The following NF1 variants were observed in gnomAD, a reference collection of about 807,000 sequenced individuals.
NF1 encodes neurofibromin.
A neutral mutation model predicts 325.7 loss-of-function variants in NF1; 122 were observed. That is an observed-to-expected ratio of 0.37 (90% CI 0.32 to 0.44). NF1 has a LOEUF of 0.44. NF1 is among the 20% of genes least tolerant of loss of function. The pLI is 1.00. For synonymous variants in NF1, 1,091 were observed against 1,186.0 expected (o/e 0.92, Z 1.65); for missense variants, 2,140 against 3,415.4 (o/e 0.63, Z 9.31).
chr17:31,280,763 C>T (rs553152537), intron 36 of NF1, among the ~76,000 whole-genome samples: 8 of 151,942 alleles, frequency 5.3e-5, no homozygotes, highest in Non-Finnish European at 1.0e-4. Context: ...CATTTCACTT[C>T]CAGGTAAAAT....
At chr17:31,141,272 C>T (rs2143531447) in intron 1 of NF1, among the ~76,000 whole-genome samples, 1 of 151,594 alleles carries the variant, frequency 6.6e-6, no homozygotes, top group Middle Eastern at 3.4e-3. Context: ...TCTGTAGTAC[C>T]CAGCACAGTG....
chr17:31,245,660 C>A (rs1476554622), intron 29 of NF1, among the ~76,000 whole-genome samples: 1 of 152,066 alleles, frequency 6.6e-6, no homozygotes, highest in Non-Finnish European at 1.5e-5. Context: ...AAAAGATGCA[C>A]ATAGGGCAAG....
chr17:31,238,745 AAAAG>A, intron 29 of NF1, among the ~76,000 whole-genome samples: 1 of 152,046 alleles, frequency 6.6e-6, no homozygotes, highest in East Asian at 1.9e-4. Flanking sequence ...AAAAAAAAAA[AAAAG>A]AAACTCTTTG....
intron 57 of NF1, among the ~76,000 whole-genome samples, chr17:31,371,684 G>C (rs2070641634): frequency 6.6e-6 from 1 of 152,150 alleles, no homozygotes; most frequent in South Asian, 2.1e-4. Context: ...ATTTAATAAG[G>C]GTTTTAAAAA....
intron 2 of NF1, 92 bp from the exon 3 acceptor site, chr17:31,158,915 ATTG>A (rs1455029798): frequency 1.1e-5 from 8 of 739,818 alleles, no homozygotes; most frequent in Admixed American, 1.9e-5. Flanking sequence ...ATGGAAGACT[ATTG>A]TTGATCTTTT....
At chr17:31,332,320 C>T (rs185741078) in intron 39 of NF1, among the ~76,000 whole-genome samples, 2 of 151,778 alleles carry the variant, frequency 1.3e-5, no homozygotes, top group East Asian at 1.9e-4. Context: ...AAAAATTAGC[C>T]GGGCTCGGTG....
intron 48 of NF1, chr17:31,345,997 A>T: frequency 6.2e-7 from 1 of 1,612,892 alleles, no homozygotes; most frequent in Non-Finnish European, 8.5e-7. Flanking sequence ...GTCCAGCAGG[A>T]GGATGATAAA....
intron 36 of NF1, among the ~76,000 whole-genome samples, chr17:31,292,257 T>C (rs1446775888): frequency 1.3e-5 from 2 of 152,202 alleles, no homozygotes; most frequent in Non-Finnish European, 2.9e-5. Flanking sequence ...TCTGTACACA[T>C]ATGCATACAT....
intron 2 of NF1, among the ~76,000 whole-genome samples, chr17:31,156,500 A>G (rs1428574743): frequency 6.6e-6 from 1 of 152,100 alleles, no homozygotes; most frequent in Non-Finnish European, 1.5e-5. Flanking sequence ...ATTTTTCTTT[A>G]GCATCTTGTT....
chr17:31,238,318 G>A (rs2067238070), intron 29 of NF1, among the ~76,000 whole-genome samples: 1 of 152,150 alleles, frequency 6.6e-6, no homozygotes, highest in African/African-American at 2.4e-5. Context: ...TGACCACAGT[G>A]TTCTGTTATC....
At chr17:31,154,678 C>G (rs534729668) in intron 1 of NF1, among the ~76,000 whole-genome samples, 2 of 151,454 alleles carry the variant, frequency 1.3e-5, no homozygotes, top group East Asian at 3.9e-4. Flanking sequence ...GTTCTGCCCC[C>G]TCCTTTACAC....
At chr17:31,165,687 A>T (rs1163275054) in intron 4 of NF1, among the ~76,000 whole-genome samples, 1 of 151,748 alleles carries the variant, frequency 6.6e-6, no homozygotes, top group African/African-American at 2.4e-5. Context: ...TAGGCTATAG[A>T]TTTATTTATT....
At chr17:31,180,045 AC>A (rs2143766489) in intron 5 of NF1, among the ~76,000 whole-genome samples, 1 of 152,322 alleles carries the variant, frequency 6.6e-6, no homozygotes, top group Admixed American at 6.5e-5. Context: ...CCAAGACTAA[AC>A]CAGGAAGAAG....
intron 17 of NF1, among the ~76,000 whole-genome samples, chr17:31,225,981 A>G (rs566469266): frequency 2.6e-5 from 4 of 152,270 alleles, no homozygotes; most frequent in African/African-American, 7.2e-5. Context: ...CCTTGTTTCA[A>G]TGAGTGCTGC....
chr17:31,355,889 G>T (rs2070257677), intron 51 of NF1: 1 of 155,646 alleles, frequency 6.4e-6, no homozygotes, highest in Non-Finnish European at 1.4e-5. Context: ...CATGATTAGA[G>T]AAACTAAAAG....
chr17:31,177,279 G>A (rs1226263400), intron 5 of NF1, among the ~76,000 whole-genome samples: 5 of 152,106 alleles, frequency 3.3e-5, no homozygotes, highest in Admixed American at 1.3e-4. Context: ...TGGCAAACAG[G>A]GTCTGGAGTG....
At chr17:31,171,603 A>G (rs1420172404) in intron 5 of NF1, among the ~76,000 whole-genome samples, 1 of 152,222 alleles carries the variant, frequency 6.6e-6, no homozygotes, top group Non-Finnish European at 1.5e-5. Context: ...TTTCTTTTAT[A>G]CTGAAGTAAC....
In NF1 at chr17:31,296,435, G is replaced by A. The variant is rs17886614; in HGVS notation, c.4836-29385G>A. On this transcript the variant is annotated intron_variant, in intron 36 of 57. Transcript: ENST00000358273. ...TTAGGCAAAATTTTCAATAAACCTC[G>A]TTGTTGTCGAGTCCTTTTATAATTG... 134 of 1,118,208 alleles carry A rather than the reference G, an allele frequency of 1.2e-4. No individual in the cohort carries two copies. In the East Asian group the frequency reaches 2.6e-3, roughly 22 times the overall value. The allele number at this position is 1,118,208 out of a possible 1,614,324, so 69.3% of individuals were successfully genotyped here.
intron 36 of NF1, among the ~76,000 whole-genome samples, chr17:31,285,084 A>C (rs938412184): frequency 6.6e-6 from 1 of 152,012 alleles, no homozygotes; most frequent in Non-Finnish European, 1.5e-5. Context: ...ATGCCACTGC[A>C]CTCCAGCCTG....
Sources: gnomAD v4.1 joint callset for allele counts (sites outside exome capture counted in the v4.1 genomes callset) on GRCh38, gnomAD v4.1.1 for gene constraint, MANE v1.5 for transcripts, NCBI Gene and HGNC (gene_info 2026-07-23, HGNC 2026-07-21) for gene names.